The following YIPF5 variants were observed in gnomAD, a reference collection of about 807,000 sequenced individuals.
YIPF5 encodes the protein Yip1 domain family member 5.
Under a neutral mutation model 30.4 loss-of-function variants are expected in YIPF5, and 8 were observed. That is an observed-to-expected ratio of 0.26 (90% CI 0.15 to 0.47). The LOEUF is 0.47. Ranked by LOEUF, YIPF5 falls within the 20% of genes least tolerant of loss-of-function variation. YIPF5 has a pLI of 0.99. For missense variants in YIPF5, 282 were observed against 301.8 expected (o/e 0.93, Z 0.49); for synonymous variants, 104 against 107.9 (o/e 0.96, Z 0.23).
chr5:144,161,435 C>T (rs1258798399), intron 5 of YIPF5, among the ~76,000 whole-genome samples: 2 of 147,900 alleles, frequency 1.4e-5, no homozygotes, highest in Non-Finnish European at 3.0e-5. Context: ...ACCTCTGCCT[C>T]CCGGGTTCAA....
chr5:144,169,758 A>C (rs2126764271), intron 2 of YIPF5, 88 bp downstream of exon 2: 1 of 1,063,052 alleles, frequency 9.4e-7, no homozygotes, highest in South Asian at 1.4e-5. Context: ...GGACATGTTC[A>C]CATATTGTTT....
intron 4 of YIPF5, among the ~76,000 whole-genome samples, chr5:144,163,305 T>C (rs1216979880): frequency 2.6e-5 from 4 of 152,198 alleles, no homozygotes; most frequent in South Asian, 2.1e-4. Flanking sequence ...ATGCAGAAGT[T>C]TGAAAAAGCT....
chr5:144,160,694 A>T lies in YIPF5; in HGVS notation c.612-135T>A, dbSNP rs552204187. Reference sequence around the variant, plus strand: ...TCTGCAAGTAGACATATGCAAAAATAATCAGGATTTTTTTTTTCAAATGCT... The same window carrying T: ...TCTGCAAGTAGACATATGCAAAAATTATCAGGATTTTTTTTTTCAAATGCT... On this transcript the variant is annotated intron_variant, in intron 5 of 5. Coordinates refer to ENST00000274496, the MANE Select transcript of YIPF5 (RefSeq NM_030799.9). The T allele has an allele frequency of 4.0e-6, 3 of 751,226 alleles. No homozygotes were observed. In the South Asian group the frequency reaches 1.1e-4, roughly 27 times the overall value. The allele number at this position is 751,226 out of a possible 1,614,324, so 46.5% of individuals were successfully genotyped here. A position where few individuals can be genotyped will look rare whatever the true frequency, so the allele number is the denominator to read the frequency against.
chr5:144,169,022 T>C (rs978991394), intron 2 of YIPF5, among the ~76,000 whole-genome samples: 3 of 152,196 alleles, frequency 2.0e-5, no homozygotes, highest in Non-Finnish European at 4.4e-5. Context: ...CATGTATTTA[T>C]GGGAAAGAGG....
chr5:144,166,380 C>T (rs1222697495), intron 2 of YIPF5, among the ~76,000 whole-genome samples: 6 of 152,142 alleles, frequency 3.9e-5, no homozygotes, highest in East Asian at 1.9e-4. Context: ...CACATCTTTA[C>T]GCATCTGTTC....
chr5:144,161,257 A>C (rs139279699), intron 5 of YIPF5, among the ~76,000 whole-genome samples: 147 of 148,496 alleles, frequency 9.9e-4, no homozygotes, highest in Non-Finnish European at 1.9e-3. Flanking sequence ...AGTCACATGG[A>C]GGATTTTATA....
chr5:144,164,896 C>A (rs1373523941), intron 3 of YIPF5, among the ~76,000 whole-genome samples: 1 of 152,086 alleles, frequency 6.6e-6, no homozygotes, highest in Non-Finnish European at 1.5e-5. Flanking sequence ...TTACTTGGGG[C>A]TTCAGGAATA....
chr5:144,158,672 G>C lies in YIPF5; in HGVS notation c.*1725C>G. ...TACAATAAAAAATTTGGTTAAGTTG[G>C]AAAGCCTATCAAATTACCTTCCAAA... On this transcript the variant is annotated 3_prime_UTR_variant, in exon 6 of 6. Transcript: ENST00000274496. The C allele has an allele frequency of 9.7e-7, 1 of 1,028,122 alleles. No individual in the cohort carries two copies. The highest frequency in any genetic ancestry group is 1.2e-6 in the Non-Finnish European group (1 of 857,756). 63.7% of individuals were successfully genotyped at this position (1,028,122 alleles called of 1,614,324 possible).
Position 144,170,557 on chromosome 5 carries a change from G to A in YIPF5, c.-33C>T. On this transcript the variant is annotated 5_prime_UTR_variant, in exon 1 of 6. Coordinates refer to ENST00000274496, the MANE Select transcript of YIPF5 (RefSeq NM_030799.9). ...CACCAAACTCTGAGGCTGCGCTGGC[G>A]GCAAAGGCAGTAGCTTCACTAATCC... 6.5e-6 allele frequency: 1 copy of A among 153,518 alleles called. No homozygotes were observed. Among genetic ancestry groups the A allele is most frequent in the Non-Finnish European group, 1.4e-5 (1 of 68,992 alleles). 9.5% of individuals were successfully genotyped at this position (153,518 alleles called of 1,614,324 possible). A position where few individuals can be genotyped will look rare whatever the true frequency, so the allele number is the denominator to read the frequency against.
chr5:144,158,443 A>C lies in YIPF5; in HGVS notation c.*1954T>G, dbSNP rs1751930459. On this transcript the variant is annotated 3_prime_UTR_variant, in exon 6 of 6. Coordinates refer to ENST00000274496, the MANE Select transcript of YIPF5 (RefSeq NM_030799.9). ...GTTGAGGATAGGGTAAACAACAAAA[A>C]AGAAAATAATTTGATCCATATGTGA... is the stretch of plus-strand genomic sequence containing the variant. 7.8e-7 allele frequency: 1 copy of C among 1,276,268 alleles called. No homozygotes were observed. The highest frequency in any genetic ancestry group is 2.5e-5 in the Admixed American group (1 of 40,424). The allele number at this position is 1,276,268 out of a possible 1,614,324, so 79.1% of individuals were successfully genotyped here.
At position 144,165,478 on chromosome 5, in the gene YIPF5, C is replaced by G. The variant is rs377199585; in HGVS notation, c.237G>C (p.Gln79His). The change falls in exon 3 of 6, where the codon CAG becomes CAC. Residue 79 changes from glutamine (Q) to histidine (H), a missense_variant. Transcript: ENST00000274496. ...CCTCAAAGTTGTTTCCATAGAAAGGCTGAGGTGAAGCTGGAGTATATGCCT... is the reference window on the plus strand; with the variant it reads ...CCTCAAAGTTGTTTCCATAGAAAGGGTGAGGTGAAGCTGGAGTATATGCCT... The part of the protein sequence containing the change: ...PTQAYTPASP[Q>H]PFYGNNFEDE... The G allele has an allele frequency of 1.2e-6, 2 of 1,614,002 alleles. No homozygotes were observed. The highest frequency in any genetic ancestry group is 1.7e-6 in the Non-Finnish European group (2 of 1,180,022).
Position 144,158,436 on chromosome 5 carries a change from A to C in YIPF5, c.*1961T>G, listed in dbSNP as rs1248531150. 2.4e-6 allele frequency: 3 copies of C among 1,276,038 alleles called. 1 individual carries two copies. 79.0% of individuals were successfully genotyped at this position (1,276,038 alleles called of 1,614,324 possible). On this transcript the variant is annotated 3_prime_UTR_variant, in exon 6 of 6. Coordinates refer to ENST00000274496, the MANE Select transcript of YIPF5 (RefSeq NM_030799.9). ...AAATGTTGTTGAGGATAGGGTAAAC[A>C]ACAAAAAAGAAAATAATTTGATCCA... is the stretch of plus-strand genomic sequence containing the variant.
chr5:144,168,793 T>C (rs1347384409), intron 2 of YIPF5, among the ~76,000 whole-genome samples: 2 of 152,198 alleles, frequency 1.3e-5, no homozygotes, highest in African/African-American at 2.4e-5. Context: ...CACAGTGAAT[T>C]TGAATTTTGT....
At chr5:144,161,816 T>C (rs943981755) in intron 5 of YIPF5, among the ~76,000 whole-genome samples, 3 of 152,218 alleles carry the variant, frequency 2.0e-5, no homozygotes, top group African/African-American at 7.2e-5. Context: ...GAGTATGTAT[T>C]TATTATTCGT....
Position 144,158,914 on chromosome 5 carries a change from TAA to T in YIPF5, c.*1481_*1482del, listed in dbSNP as rs11370080. On this transcript the variant is annotated 3_prime_UTR_variant, in exon 6 of 6. Coordinates refer to ENST00000274496, the MANE Select transcript of YIPF5 (RefSeq NM_030799.9). ...TTTCTATTTAGTCTGAAAATCTCTT[TAA>T]AAAAAAAAAAAAGGCAGTATTTTCC... 2.8e-4 allele frequency: 231 copies of T among 836,300 alleles called. No individual in the cohort carries two copies. The highest frequency in any genetic ancestry group is 5.9e-4 in the Middle Eastern group (1 of 1,696). 51.8% of individuals were successfully genotyped at this position (836,300 alleles called of 1,614,324 possible).
At chr5:144,169,239 G>T (rs1015897605) in intron 2 of YIPF5, among the ~76,000 whole-genome samples, 4 of 152,036 alleles carry the variant, frequency 2.6e-5, no homozygotes, top group Admixed American at 2.6e-4. Flanking sequence ...ACTATAAAAA[G>T]ATCATTTAAA....
intron 4 of YIPF5, among the ~76,000 whole-genome samples, chr5:144,163,360 C>T (rs1483634450): frequency 2.0e-5 from 3 of 152,148 alleles, no homozygotes; most frequent in Non-Finnish European, 4.4e-5. Flanking sequence ...AATAAAAAAA[C>T]TCACACTTGT....
At position 144,158,521 on chromosome 5, in the gene YIPF5, A is replaced by G; in HGVS notation, c.*1876T>C. ...GTCTAACCAACAGCGAGATAATTTTAATTTCCAAAGCATCTTCTACCGTTT... is the reference window on the plus strand; with the variant it reads ...GTCTAACCAACAGCGAGATAATTTTGATTTCCAAAGCATCTTCTACCGTTT... On this transcript the variant is annotated 3_prime_UTR_variant, in exon 6 of 6. Coordinates refer to ENST00000274496, the MANE Select transcript of YIPF5 (RefSeq NM_030799.9). 3 of 1,214,814 alleles carry G rather than the reference A, an allele frequency of 2.5e-6. No homozygotes were observed. Among genetic ancestry groups the G allele is most frequent in the Non-Finnish European group, 3.1e-6 (3 of 961,836 alleles). The allele number at this position is 1,214,814 out of a possible 1,614,324, so 75.3% of individuals were successfully genotyped here. A position where few individuals can be genotyped will look rare whatever the true frequency, so the allele number is the denominator to read the frequency against.
rs146741869 is a variant in YIPF5, at chr5:144,169,921, T to A, written c.35A>T (p.Tyr12Phe). 8.1e-6 allele frequency: 13 copies of A among 1,614,114 alleles called. No individual in the cohort carries two copies. Among genetic ancestry groups the A allele is most frequent in the Admixed American group, 1.7e-5 (1 of 60,010 alleles). Residue 12 changes from tyrosine to phenylalanine, a missense_variant, in exon 2 of 6, where the codon TAC (tyrosine) becomes TTC (phenylalanine). Tyr to Phe is a conservative substitution (Grantham distance 22). Transcript: ENST00000274496. ...ATCATCGATGCTGTAACTTGTCTGG[T>A]AGAAATCCGTGTTTAAGTTTTCAAA... ...SGFENLNTDFYQTSYSIDDQS... is the reference protein window; with the variant it reads ...SGFENLNTDFFQTSYSIDDQS...
Sources: allele counts gnomAD v4.1 joint callset (sites outside exome capture counted in the v4.1 genomes callset), GRCh38; gene constraint gnomAD v4.1.1; transcripts MANE v1.5; gene names NCBI Gene and HGNC (gene_info 2026-07-23, HGNC 2026-07-21).